WIPI1: variants seen among roughly 807,000 people sequenced by gnomAD.
WIPI1 encodes the protein WD repeat domain, phosphoinositide interacting 1.
WIPI1 carries 45 observed loss-of-function variants against 55.3 expected under a neutral mutation model. The observed-to-expected ratio is 0.81, with a 90% CI of 0.64 to 1.04. The LOEUF is 1.04. Among genes scored for constraint, WIPI1 ranks in the 50% least tolerant of loss-of-function variants. The pLI is 0.00. For missense variants in WIPI1, 445 were observed against 559.0 expected (o/e 0.80, Z 2.06); for synonymous variants, 195 against 217.6 (o/e 0.90, Z 0.92).
chr17:68,424,115 C>A (rs1040136277), intron 12 of WIPI1, among the ~76,000 whole-genome samples: 2 of 152,126 alleles, frequency 1.3e-5, no homozygotes, highest in Non-Finnish European at 2.9e-5. Context: ...GCCATGAGAA[C>A]CCAAAGGTAA....
rs185227781 is a variant in WIPI1, at chr17:68,445,172, G to A, written c.334-583C>T. 1.9e-3 allele frequency among the ~76,000 whole-genome samples: 294 copies of A among 152,072 alleles called. 3 individuals are homozygous for A. Among genetic ancestry groups the A allele is most frequent in the African/African-American group, 6.9e-3 (287 of 41,494 alleles). Reference sequence around the variant, plus strand: ...CGACCTCAGGTGATCTGCCCGCCTCGGCCTCCCAAAGTGCTGGGATGATAG... The same window carrying A: ...CGACCTCAGGTGATCTGCCCGCCTCAGCCTCCCAAAGTGCTGGGATGATAG... On this transcript the variant is annotated intron_variant, in intron 3 of 12. Transcript: ENST00000262139.
At chr17:68,435,795 C>G in intron 5 of WIPI1, 83 bp from the exon 6 acceptor site, 4 of 1,260,920 alleles carry the variant, frequency 3.2e-6, no homozygotes, top group Non-Finnish European at 3.5e-6. Flanking sequence ...CTCTTTTCTC[C>G]TTTCTCCCTC....
At chr17:68,429,293 T>C (rs774059010) in intron 9 of WIPI1, among the ~76,000 whole-genome samples, 5 of 152,224 alleles carry the variant, frequency 3.3e-5, no homozygotes, top group Non-Finnish European at 5.9e-5. Flanking sequence ...AAATGGAGGA[T>C]TGGCTTACTG....
rs2082967278 is a variant in WIPI1 at position 68,423,849 on chromosome 17, A to G, written c.1294-2029T>C. Among the ~76,000 whole-genome samples, 1 of 152,234 alleles carries G rather than the reference A, an allele frequency of 6.6e-6. No individual in the cohort carries two copies. Among genetic ancestry groups the G allele is most frequent in the Non-Finnish European group, 1.5e-5 (1 of 68,040 alleles). On this transcript the variant is annotated intron_variant, in intron 12 of 12. Coordinates refer to ENST00000262139, the MANE Select transcript of WIPI1 (RefSeq NM_017983.7). The surrounding 1 kb of genome is among the most constrained non-coding windows in gnomAD (Gnocchi z 4.4). ...TCCACATTACCCCAATTCTGTAACT[A>G]TAAGAGGTTGCAAGGCTTACTGCGA...
In WIPI1 at chr17:68,445,056, G is replaced by A. The variant is rs141283157; in HGVS notation, c.334-467C>T. Among the ~76,000 whole-genome samples the A allele has an allele frequency of 3.3e-3, 506 of 151,778 alleles. 4 individuals carry two copies. Among genetic ancestry groups the A allele is most frequent in the African/African-American group, 0.012 (477 of 41,374 alleles). The stretch of plus-strand genomic sequence containing the variant: ...CTGCATCAGCCTCCTGAGTAGCTGG[G>A]ATTACATGCATGCACCACCACACCT... On this transcript the variant is annotated intron_variant, in intron 3 of 12. Transcript: ENST00000262139.
At chr17:68,426,254 G>GGGGGGGGGCCCCCC in intron 11 of WIPI1, 79 bp from the exon 12 acceptor site, 1 of 816,916 alleles carries the variant, frequency 1.2e-6, no homozygotes, top group East Asian at 3.5e-5. Flanking sequence ...GGGAGCGGGG[G>GGGGGGGGGCCCCCC]CTCAAATAAA....
intron 12 of WIPI1, among the ~76,000 whole-genome samples, chr17:68,424,738 A>G (rs886318134): frequency 2.0e-5 from 3 of 152,286 alleles, no homozygotes; most frequent in African/African-American, 7.2e-5. Context: ...TTAGTTGGGC[A>G]TGGTGGCGCA....
chr17:68,426,238 C>CGGGGGGGGG, intron 11 of WIPI1, 63 bp from the exon 12 acceptor site: 3 of 615,186 alleles, frequency 4.9e-6, no homozygotes, highest in Non-Finnish European at 4.7e-6. Context: ...CATGACCTGG[C>CGGGGGGGGG]GGGTGGGGAG....
intron 9 of WIPI1, 29 bp downstream of exon 9, chr17:68,429,959 GTGTGGTCT>G: frequency 1.2e-6 from 2 of 1,611,834 alleles, no homozygotes; most frequent in Non-Finnish European, 8.5e-7. Flanking sequence ...ATTGACGAAA[GTGTGGTCT>G]TGTTCAGAGT....
intron 1 of WIPI1, among the ~76,000 whole-genome samples, chr17:68,453,371 C>A (rs1429744325): frequency 6.6e-6 from 1 of 152,150 alleles, no homozygotes; most frequent in East Asian, 1.9e-4. Context: ...AACGAGGGGG[C>A]CTTCTTGTTG....
chr17:68,439,911 G>T (rs953937237), intron 4 of WIPI1, among the ~76,000 whole-genome samples: 12 of 152,110 alleles, frequency 7.9e-5, no homozygotes, highest in Non-Finnish European at 2.9e-5. Context: ...GGCAGAGAGA[G>T]CTAAGCAGTC....
chr17:68,439,892 T>C (rs567533001), intron 4 of WIPI1, among the ~76,000 whole-genome samples: 11 of 152,284 alleles, frequency 7.2e-5, no homozygotes, highest in African/African-American at 2.4e-4. Context: ...ATACTGGGCG[T>C]GTCTTTGTGG....
chr17:68,428,374 G>A (rs1055099664), intron 10 of WIPI1: 13 of 171,364 alleles, frequency 7.6e-5, no homozygotes, highest in Non-Finnish European at 1.5e-4. Context: ...GACTACAGGT[G>A]TGTGCCACCA....
intron 6 of WIPI1, among the ~76,000 whole-genome samples, chr17:68,434,909 T>C (rs1189023239): frequency 6.6e-6 from 1 of 152,148 alleles, no homozygotes; most frequent in East Asian, 1.9e-4. Context: ...TTTCTTAGAA[T>C]TTCAATTTGA....
In WIPI1 at chr17:68,427,718, C is replaced by G. The variant is rs3785608; in HGVS notation, c.1074-465G>C. On this transcript the variant is annotated intron_variant, in intron 10 of 12. Transcript: ENST00000262139. ...CACACCGTCAAAATGGCCTCTTTCT[C>G]TTACATTGGCTAGACAAAGATTAGT... 64 of 160,322 alleles carry G rather than the reference C, an allele frequency of 4.0e-4. No homozygotes were observed. The East Asian group carries it at 0.011, about 28-fold the overall frequency. The allele number at this position is 160,322 out of a possible 1,614,324, so 9.9% of individuals were successfully genotyped here.
chr17:68,441,051 G>C (rs142045412), intron 4 of WIPI1: 21 of 152,316 alleles, frequency 1.4e-4, no homozygotes, highest in African/African-American at 4.6e-4. Context: ...ATTGCTGTGT[G>C]GTATGGAACG....
rs187865026 is a variant in WIPI1, at chr17:68,435,353, G to A, written c.621+267C>T. 3.9e-5 allele frequency among the ~76,000 whole-genome samples: 6 copies of A among 152,304 alleles called. No individual in the cohort carries two copies. The East Asian group carries it at 1.2e-3, about 29-fold the overall frequency. Reference sequence around the variant, plus strand: ...GCATTTGTCCGTCTCTACGGCTGATGTACACGTACATTTCTTCATAAGACC... The same window carrying A: ...GCATTTGTCCGTCTCTACGGCTGATATACACGTACATTTCTTCATAAGACC... On this transcript the variant is annotated intron_variant, in intron 6 of 12. Transcript: ENST00000262139.
Position 68,427,156 on chromosome 17 carries a change from A to G in WIPI1, c.1171T>C (p.Ser391Pro), listed in dbSNP as rs1160172279. 6.2e-7 allele frequency: 1 copy of G among 1,614,072 alleles called. No homozygotes were observed. The highest frequency in any genetic ancestry group is 2.2e-5 in the East Asian group (1 of 44,874). The change falls in exon 11 of 13, where the codon TCT (serine) becomes CCT (proline). Residue 391 changes from serine (S) to proline (P), a missense_variant. Physicochemically the swap from Ser to Pro is moderately conservative, Grantham distance 74. Coordinates refer to ENST00000262139, the MANE Select transcript of WIPI1 (RefSeq NM_017983.7). ...CCACCTGGCACCGTGGAGGCTGAAGATGCACTTGGTCTGGCTACGGTCGCT... is the reference window on the plus strand; with the variant it reads ...CCACCTGGCACCGTGGAGGCTGAAGGTGCACTTGGTCTGGCTACGGTCGCT... Reference protein sequence around the residue: ...YAATVARPSASSASTVPGYSE... With the variant: ...YAATVARPSAPSASTVPGYSE...
Position 68,421,601 on chromosome 17 carries a change from C to G in WIPI1, c.*172G>C. 1.2e-6 allele frequency: 1 copy of G among 814,094 alleles called. No individual in the cohort carries two copies. Among genetic ancestry groups the G allele is most frequent in the Non-Finnish European group, 2.0e-6 (1 of 495,590 alleles). The allele number at this position is 814,094 out of a possible 1,614,324, so 50.4% of individuals were successfully genotyped here. A position where few individuals can be genotyped will look rare whatever the true frequency, so the allele number is the denominator to read the frequency against. On this transcript the variant is annotated 3_prime_UTR_variant, in exon 13 of 13. Coordinates refer to ENST00000262139, the MANE Select transcript of WIPI1 (RefSeq NM_017983.7). The stretch of plus-strand genomic sequence containing the variant: ...TCCCGCGCCCATTGGCAACCAGGGT[C>G]GTGGGAAGCTTGGTGAGGAGTTAAC...
Sources: gnomAD v4.1 joint callset for allele counts (sites outside exome capture counted in the v4.1 genomes callset) on GRCh38, gnomAD v4.1.1 for gene constraint, Gnocchi (gnomAD v3.1) non-coding constraint, MANE v1.5 for transcripts, NCBI Gene and HGNC (gene_info 2026-07-23, HGNC 2026-07-21) for gene names.